Variants in DEDD2 observed in about 807,000 individuals in gnomAD.
DEDD2 encodes the protein death effector domain containing 2.
A neutral mutation model predicts 28.9 loss-of-function variants in DEDD2; 18 were observed. The ratio of observed to expected loss-of-function variants is 0.62; its 90% confidence interval spans 0.43 to 0.92. The LOEUF is 0.92. Among genes scored for constraint, DEDD2 ranks in the 40% least tolerant of loss-of-function variants. The pLI, the probability that DEDD2 is intolerant of heterozygous loss-of-function variation, is 0.00. For synonymous variants in DEDD2, 211 were observed against 206.1 expected (o/e 1.02, Z -0.20); for missense variants, 411 against 463.3 (o/e 0.89, Z 1.04).
At chr19:42,200,028 T>G (rs982915161) in intron 4 of DEDD2, among the ~76,000 whole-genome samples, 199 bp from the exon 5 acceptor site, 1 of 152,098 alleles carries the variant, frequency 6.6e-6, no homozygotes, top group African/African-American at 2.4e-5. Context: ...ACCTCCTCAC[T>G]GCTCCAACAA....
Position 42,215,118 on chromosome 19 carries a change from C to A in DEDD2, c.448+15G>T, listed in dbSNP as rs769204421. 9 of 1,613,652 alleles carry A rather than the reference C, an allele frequency of 5.6e-6. No individual in the cohort carries two copies. In the South Asian group the frequency reaches 6.6e-5, roughly 12 times the overall value. On this transcript the variant is annotated intron_variant, in intron 3 of 4. Transcript: ENST00000596251. ...AAGAGGGATGCTGCCATTACACCCACCCAGCTGGGCTCACCTGTCTCCCAC... is the reference window on the plus strand; with the variant it reads ...AAGAGGGATGCTGCCATTACACCCAACCAGCTGGGCTCACCTGTCTCCCAC...
At position 42,199,188 on chromosome 19, in the gene DEDD2, C is replaced by G. The variant is rs1022563790; in HGVS notation, c.*250G>C. 4 of 560,482 alleles carry G rather than the reference C, an allele frequency of 7.1e-6. No homozygotes were observed. Among genetic ancestry groups the G allele is most frequent in the African/African-American group, 1.9e-5 (1 of 53,132 alleles). The allele number at this position is 560,482 out of a possible 1,614,324, so 34.7% of individuals were successfully genotyped here. A position where few individuals can be genotyped will look rare whatever the true frequency, so the allele number is the denominator to read the frequency against. ...CCTCCCTTCTGAGATACAGGCCCAG[C>G]CCCCGCCTCCGGAGGCTAAGGGGGC... On this transcript the variant is annotated 3_prime_UTR_variant, in exon 5 of 5. Coordinates refer to ENST00000596251, the MANE Select transcript of DEDD2 (RefSeq NM_133328.4). The surrounding 1 kb of genome is among the most constrained non-coding windows in gnomAD (Gnocchi z 7.4).
At chr19:42,218,495 G>C (rs2036065155), upstream of DEDD2, among the ~76,000 whole-genome samples, 1 of 152,092 alleles carries the variant, frequency 6.6e-6, no homozygotes, top group South Asian at 2.1e-4. Context: ...GCAACAACTA[G>C]AGAGGGTCTG....
intron 4 of DEDD2, among the ~76,000 whole-genome samples, chr19:42,208,512 T>C (rs891047480): frequency 6.6e-6 from 1 of 152,234 alleles, no homozygotes; most frequent in Admixed American, 6.5e-5. Flanking sequence ...GCTTATTAAC[T>C]GATTTTCCAG....
At chr19:42,219,255 G>A (rs905899647), upstream of DEDD2, among the ~76,000 whole-genome samples, 5 of 151,472 alleles carry the variant, frequency 3.3e-5, no homozygotes, top group African/African-American at 9.7e-5. Flanking sequence ...CGTGAGCCGA[G>A]ATTGCGCCAT....
At chr19:42,203,886 G>C (rs1004971236) in intron 4 of DEDD2, among the ~76,000 whole-genome samples, 6 of 152,250 alleles carry the variant, frequency 3.9e-5, no homozygotes, top group Non-Finnish European at 7.3e-5. Flanking sequence ...GAACTGTCCA[G>C]TGTGGCCCTG....
At chr19:42,217,274 T>C (rs541558686) in intron 1 of DEDD2, among the ~76,000 whole-genome samples, 4 of 151,880 alleles carry the variant, frequency 2.6e-5, no homozygotes, top group Non-Finnish European at 5.9e-5. Flanking sequence ...CCGTGCTACG[T>C]TCGGAGCTCG....
At chr19:42,217,737 C>T (rs1341448010), upstream of DEDD2, 2 of 152,500 alleles carry the variant, frequency 1.3e-5, no homozygotes, top group Non-Finnish European at 2.9e-5. Context: ...GCCCCTCCTC[C>T]TTCCCCCAAC....
chr19:42,212,725 A>G (rs571656328), intron 3 of DEDD2, among the ~76,000 whole-genome samples: 5 of 151,958 alleles, frequency 3.3e-5, no homozygotes, highest in Admixed American at 3.3e-4. Flanking sequence ...TTAGCCTCCC[A>G]AACTGCTGGG....
At position 42,217,021 on chromosome 19, in the gene DEDD2, A is replaced by C. The variant is rs1186465615; in HGVS notation, c.-14T>G. The C allele has an allele frequency of 1.3e-6, 2 of 1,564,344 alleles. No homozygotes were observed. Among genetic ancestry groups the C allele is most frequent in the Non-Finnish European group, 1.7e-6 (2 of 1,155,258 alleles). On this transcript the variant is annotated 5_prime_UTR_variant, in exon 2 of 5. Coordinates refer to ENST00000596251, the MANE Select transcript of DEDD2 (RefSeq NM_133328.4). ...GGATAGCGCCATTCCCGGGGGAGGG[A>C]GGCGGAACAAGCTCAGAACCCGGCC...
chr19:42,215,224 G>C lies in DEDD2; in HGVS notation c.357C>G (p.Thr119=), dbSNP rs770055708. 25 of 1,613,534 alleles carry C rather than the reference G, an allele frequency of 1.5e-5. No homozygotes were observed. Among genetic ancestry groups the C allele is most frequent in the Non-Finnish European group, 2.1e-5 (25 of 1,179,848 alleles). The change falls in exon 3 of 5, where the codon ACC becomes ACG. Residue 119 remains threonine, a synonymous_variant. Transcript: ENST00000596251. ...CCTCTGTCCTCTTTGAAGAGCTGGA[G>C]GTGCCATAGCTATAGCGTTCTGGAG... ...PVSPERYSYG[T]SSSSKRTEGS...
At chr19:42,218,749 T>A (rs1359308556), upstream of DEDD2, among the ~76,000 whole-genome samples, 4 of 152,220 alleles carry the variant, frequency 2.6e-5, no homozygotes, top group Non-Finnish European at 5.9e-5. Flanking sequence ...TTCAAAAGAA[T>A]CGGCTGCGCG....
chr19:42,199,903 C>T lies in DEDD2; in HGVS notation c.590-74G>A. 6.7e-7 allele frequency: 1 copy of T among 1,487,884 alleles called. No homozygotes were observed. Among genetic ancestry groups the T allele is most frequent in the Non-Finnish European group, 9.0e-7 (1 of 1,113,326 alleles). The allele number at this position is 1,487,884 out of a possible 1,614,324, so 92.2% of individuals were successfully genotyped here. A position where few individuals can be genotyped will look rare whatever the true frequency, so the allele number is the denominator to read the frequency against. On this transcript the variant is annotated intron_variant, in intron 4 of 4. Coordinates refer to ENST00000596251, the MANE Select transcript of DEDD2 (RefSeq NM_133328.4). The surrounding 1 kb of genome is among the most constrained non-coding windows in gnomAD (Gnocchi z 7.4). ...ACTTATGGGGAACGCCACCCTTCCTCCCTCCAGCCTTCTCCCTCCACCCCC... is the reference window on the plus strand; with the variant it reads ...ACTTATGGGGAACGCCACCCTTCCTTCCTCCAGCCTTCTCCCTCCACCCCC...
intron 3 of DEDD2, among the ~76,000 whole-genome samples, chr19:42,212,732 T>A (rs539101199): frequency 6.6e-6 from 1 of 152,202 alleles, no homozygotes; most frequent in South Asian, 2.1e-4. Flanking sequence ...CCCAAACTGC[T>A]GGGGCTACAG....
At chr19:42,203,240 GAC>G (rs757777789) in intron 4 of DEDD2, among the ~76,000 whole-genome samples, 38 of 152,252 alleles carry the variant, frequency 2.5e-4, no homozygotes, top group Admixed American at 9.2e-4. Flanking sequence ...ACAACTAAAA[GAC>G]ATCCTGAGAG....
At chr19:42,203,026 C>T (rs935760721) in intron 4 of DEDD2, among the ~76,000 whole-genome samples, 4 of 152,164 alleles carry the variant, frequency 2.6e-5, no homozygotes, top group African/African-American at 7.2e-5. Context: ...TTTGATTGTC[C>T]CCACAACAAT....
intron 4 of DEDD2, chr19:42,202,101 G>A (rs2035354697): frequency 2.5e-6 from 1 of 398,706 alleles, no homozygotes; most frequent in Non-Finnish European, 4.4e-6. Context: ...AGAGGTCCCT[G>A]CTGCACATTG....
intron 4 of DEDD2, among the ~76,000 whole-genome samples, chr19:42,207,367 C>T (rs534882538): frequency 1.3e-5 from 2 of 152,272 alleles, no homozygotes; most frequent in Non-Finnish European, 2.9e-5. Flanking sequence ...TAGAAGGAAG[C>T]ACCCCCAGGC....
Position 42,199,420 on chromosome 19 carries a change from A to C in DEDD2, c.*18T>G. The C allele has an allele frequency of 6.4e-7, 1 of 1,569,356 alleles. No individual in the cohort carries two copies. Among genetic ancestry groups the C allele is most frequent in the Non-Finnish European group, 8.6e-7 (1 of 1,162,346 alleles). ...GGCCCGGAGACTTGGAGGTGGGATC[A>C]ATCCTGCCAGTCCTGGATCAGGAGG... On this transcript the variant is annotated 3_prime_UTR_variant, in exon 5 of 5. Transcript: ENST00000596251. This position sits in a 1 kb window ranked among gnomAD's most constrained non-coding sequence, Gnocchi z 7.4.
Sources: gnomAD v4.1 joint callset for allele counts (sites outside exome capture counted in the v4.1 genomes callset) on GRCh38, gnomAD v4.1.1 for gene constraint, Gnocchi (gnomAD v3.1) non-coding constraint, MANE v1.5 for transcripts, NCBI Gene and HGNC (gene_info 2026-07-23, HGNC 2026-07-21) for gene names.